Variants in ZDHHC13 observed in about 807,000 individuals in gnomAD.
ZDHHC13 encodes the protein zDHHC palmitoyltransferase 13.
In ZDHHC13, 85 loss-of-function variants were observed where a neutral mutation model predicts 86.0. The ratio of observed to expected loss-of-function variants is 0.99; its 90% CI spans 0.83 to 1.18. ZDHHC13 has a LOEUF of 1.18. ZDHHC13 is among the 50% of genes most tolerant of loss of function. ZDHHC13 has a pLI of 0.00. For missense variants in ZDHHC13, 711 were observed against 730.2 expected, an observed-to-expected ratio of 0.97 and a Z score of 0.30; for synonymous variants, 263 against 246.4, an observed-to-expected ratio of 1.07 and a Z score of -0.63.
intron 1 of ZDHHC13, among the ~76,000 whole-genome samples, chr11:19,140,929 G>T (rs1256655086): frequency 5.3e-5 from 6 of 112,830 alleles, no homozygotes; most frequent in African/African-American, 2.0e-4. Flanking sequence ...GGTGGGGGGA[G>T]GGGGGAGGGA....
At chr11:19,128,752 G>C (rs535423251) in intron 1 of ZDHHC13, among the ~76,000 whole-genome samples, 1 of 152,264 alleles carries the variant, frequency 6.6e-6, no homozygotes, top group South Asian at 2.1e-4. Context: ...TGGTGATAAG[G>C]TAGGTGAAAG....
chr11:19,170,266 G>A, intron 14 of ZDHHC13, 145 bp from the exon 15 acceptor site: 3 of 1,417,374 alleles, frequency 2.1e-6, no homozygotes, highest in South Asian at 1.6e-5. Flanking sequence ...ACTGTCATGT[G>A]GAAAATGAAA....
intron 3 of ZDHHC13, among the ~76,000 whole-genome samples, chr11:19,146,740 G>A (rs1849477950): frequency 6.6e-6 from 1 of 152,100 alleles, no homozygotes; most frequent in Admixed American, 6.5e-5. Context: ...GTATTGGATT[G>A]TATAAAATAT....
upstream of ZDHHC13, chr11:19,117,161 T>A (rs1336024453): frequency 7.0e-7 from 1 of 1,422,610 alleles, no homozygotes; most frequent in Non-Finnish European, 9.6e-7. This position sits in a 1 kb window ranked among gnomAD's most constrained non-coding sequence, Gnocchi z 4.2. Context: ...CAGCAGGAAG[T>A]GGGAGAAGAG....
intron 1 of ZDHHC13, among the ~76,000 whole-genome samples, chr11:19,136,459 A>G (rs1193938811): frequency 6.6e-6 from 1 of 152,222 alleles, no homozygotes; most frequent in Non-Finnish European, 1.5e-5. Context: ...GGTGTACCTG[A>G]AAGTGACGGG....
At chr11:19,160,577 A>T (rs1288169349) in intron 10 of ZDHHC13, among the ~76,000 whole-genome samples, 1 of 151,994 alleles carries the variant, frequency 6.6e-6, no homozygotes, top group African/African-American at 2.4e-5. Flanking sequence ...AAACAGTTTT[A>T]AAAATGTGTT....
chr11:19,151,629 A>G (rs545854453), intron 6 of ZDHHC13, among the ~76,000 whole-genome samples: 2 of 152,188 alleles, frequency 1.3e-5, no homozygotes, highest in African/African-American at 4.8e-5. Context: ...AGTGGTCATG[A>G]AGGAAGGAAA....
At chr11:19,161,617 C>A (rs1039493797) in intron 10 of ZDHHC13, among the ~76,000 whole-genome samples, 1 of 151,520 alleles carries the variant, frequency 6.6e-6, no homozygotes, top group African/African-American at 2.4e-5. Flanking sequence ...AAAATGGAAC[C>A]TTATTGATGA....
intron 6 of ZDHHC13, among the ~76,000 whole-genome samples, chr11:19,151,149 T>A (rs1456862568): frequency 6.6e-6 from 1 of 152,078 alleles, no homozygotes; most frequent in Non-Finnish European, 1.5e-5. Flanking sequence ...TAATTTGAAA[T>A]CTAAGTGATA....
chr11:19,171,152 T>G (rs1212311019), intron 15 of ZDHHC13, among the ~76,000 whole-genome samples: 1 of 152,190 alleles, frequency 6.6e-6, no homozygotes. Flanking sequence ...TCATAGTAAT[T>G]ACATTTTCAG....
In ZDHHC13 at chr11:19,146,564, T is replaced by A. The variant is rs181796457; in HGVS notation, c.296+261T>A. ...TTAGAAAGTAAAAGTGAACATTTTT[T>A]AAAAAAGGAAAAGTATAATAAACTT... is the stretch of plus-strand genomic sequence containing the variant. On this transcript the variant is annotated intron_variant, in intron 3 of 16. Transcript: ENST00000446113. Among the ~76,000 whole-genome samples, 427 of 152,218 alleles carry A rather than the reference T, an allele frequency of 2.8e-3. 2 individuals carry two copies. The highest frequency in any genetic ancestry group is 9.9e-3 in the African/African-American group (413 of 41,552).
At chr11:19,155,957 G>A (rs774738632) in intron 9 of ZDHHC13, 28 bp downstream of exon 9, 2 of 1,573,584 alleles carry the variant, frequency 1.3e-6, no homozygotes, top group Non-Finnish European at 1.7e-6. Flanking sequence ...TGCAAGGCTG[G>A]TTATTGTGTT....
intron 14 of ZDHHC13, chr11:19,167,129 T>C (rs1240430961): frequency 6.6e-6 from 1 of 152,196 alleles, no homozygotes; most frequent in African/African-American, 2.4e-5. Flanking sequence ...GCTTGTAGTT[T>C]ATTTATTTGG....
chr11:19,164,731 C>A, intron 12 of ZDHHC13: 1 of 416,986 alleles, frequency 2.4e-6, no homozygotes. Flanking sequence ...TAAATTCTCC[C>A]AAATTATTGG....
At chr11:19,152,018 G>A (rs1347236672) in intron 6 of ZDHHC13, 140 bp from the exon 7 acceptor site, 22 of 830,782 alleles carry the variant, frequency 2.6e-5, no homozygotes, top group Non-Finnish European at 3.4e-5. Context: ...ATAGAACTCA[G>A]TACAAAGAAG....
chr11:19,136,132 G>A lies in ZDHHC13; in HGVS notation c.28-6846G>A, dbSNP rs577262410. Among the ~76,000 whole-genome samples the A allele has an allele frequency of 8.6e-5, 13 of 152,002 alleles. No individual in the cohort carries two copies. The East Asian group carries it at 1.7e-3, about 20-fold the overall frequency. On this transcript the variant is annotated intron_variant, in intron 1 of 16. Coordinates refer to ENST00000446113, the MANE Select transcript of ZDHHC13 (RefSeq NM_019028.3). ...AGACGATCAAATTACTCTGAGCTAC[G>A]GGAGGAAATTCAAACCAAAGGCAAA...
intron 11 of ZDHHC13, among the ~76,000 whole-genome samples, chr11:19,163,745 T>A (rs1849977121): frequency 6.6e-6 from 1 of 152,148 alleles, no homozygotes; most frequent in East Asian, 1.9e-4. Flanking sequence ...ACTAAATAAA[T>A]GGAGAGTAAC....
At chr11:19,175,007 A>G (rs1266667582) in intron 16 of ZDHHC13, among the ~76,000 whole-genome samples, 3 of 152,164 alleles carry the variant, frequency 2.0e-5, no homozygotes, top group African/African-American at 7.2e-5. Flanking sequence ...CTATGACTAT[A>G]TCAGGGTTTT....
intron 1 of ZDHHC13, among the ~76,000 whole-genome samples, chr11:19,129,980 CG>C (rs780946861): frequency 5.3e-5 from 8 of 151,896 alleles, no homozygotes; most frequent in Admixed American, 3.3e-4. Context: ...CCCAGCTGCT[CG>C]GGAGGCTGAG....
Sources: allele counts gnomAD v4.1 joint callset (sites outside exome capture counted in the v4.1 genomes callset), GRCh38; gene constraint gnomAD v4.1.1; non-coding constraint Gnocchi (gnomAD v3.1); transcripts MANE v1.5; gene names NCBI Gene and HGNC (gene_info 2026-07-23, HGNC 2026-07-21).